SLX4IP: variants seen among roughly 807,000 people sequenced by gnomAD.
SLX4IP encodes the protein protein SLX4IP.
SLX4IP carries 34 observed loss-of-function variants against 32.9 expected under a neutral mutation model. That is an observed-to-expected ratio of 1.03 (90% confidence interval 0.79 to 1.38). SLX4IP has a LOEUF of 1.38. Among genes scored for constraint, SLX4IP ranks in the 40% most tolerant of loss-of-function variants. The probability of loss-of-function intolerance (pLI) is 0.00; values close to 1 mark genes in which losing one functional copy is unlikely to be tolerated. For synonymous variants in SLX4IP, 172 were observed against 171.7 expected, an observed-to-expected ratio of 1.00 and a Z score of -0.01; for missense variants, 444 against 479.0, an observed-to-expected ratio of 0.93 and a Z score of 0.68.
chr20:10,550,745 G>A lies in SLX4IP; in HGVS notation c.28-5486G>A, dbSNP rs554120081. Among the ~76,000 whole-genome samples, 5 of 152,300 alleles carry A rather than the reference G, an allele frequency of 3.3e-5. No individual in the cohort carries two copies. In the East Asian group the frequency reaches 9.7e-4, roughly 29 times the overall value. ...ATTGAGACTCTTTTCCGTCTCCAAA[G>A]CACGCGAGCTCTTTCTCTGCATGGG... On this transcript the variant is annotated intron_variant, in intron 2 of 7. Coordinates refer to ENST00000334534, the MANE Select transcript of SLX4IP (RefSeq NM_001009608.3).
At chr20:10,535,048 G>T (rs930125918) in intron 2 of SLX4IP, among the ~76,000 whole-genome samples, 27 of 152,114 alleles carry the variant, frequency 1.8e-4, no homozygotes, top group African/African-American at 6.0e-4. Flanking sequence ...TGAGGTTTGG[G>T]GTGTGGAGGC....
At chr20:10,489,745 A>C (rs1324453633) in intron 2 of SLX4IP, among the ~76,000 whole-genome samples, 1 of 152,242 alleles carries the variant, frequency 6.6e-6, no homozygotes, top group African/African-American at 2.4e-5. Flanking sequence ...AATGGCTTCT[A>C]TTTCCTTTGT....
chr20:10,569,093 C>G (rs575075866), intron 4 of SLX4IP, among the ~76,000 whole-genome samples: 3 of 151,684 alleles, frequency 2.0e-5, no homozygotes, highest in South Asian at 2.1e-4. Context: ...GCTCTCCTTT[C>G]GAGGAGAAAA....
chr20:10,564,178 A>C (rs1389889711), intron 4 of SLX4IP, among the ~76,000 whole-genome samples: 1 of 152,228 alleles, frequency 6.6e-6, no homozygotes, highest in Non-Finnish European at 1.5e-5. Context: ...CACTAAAAAC[A>C]GAAATTGATT....
intron 2 of SLX4IP, among the ~76,000 whole-genome samples, chr20:10,510,926 G>A (rs2065802293): frequency 6.6e-6 from 1 of 152,130 alleles, no homozygotes; most frequent in African/African-American, 2.4e-5. Flanking sequence ...TTATTAATGG[G>A]CCCAGGGTGA....
chr20:10,449,260 G>A (rs970822506), intron 1 of SLX4IP, among the ~76,000 whole-genome samples: 1 of 152,144 alleles, frequency 6.6e-6, no homozygotes, highest in African/African-American at 2.4e-5. Context: ...TTTATATTTT[G>A]TCTATGAAGG....
intron 2 of SLX4IP, among the ~76,000 whole-genome samples, chr20:10,529,628 TCA>T (rs944011790): frequency 6.8e-6 from 1 of 148,014 alleles, no homozygotes; most frequent in African/African-American, 2.5e-5. Flanking sequence ...TTCTGATTAC[TCA>T]CATTCTTCTT....
chr20:10,576,841 T>G (rs2066529164), intron 4 of SLX4IP, among the ~76,000 whole-genome samples: 1 of 152,190 alleles, frequency 6.6e-6, no homozygotes, highest in East Asian at 1.9e-4. Flanking sequence ...ATGATTTCCT[T>G]ACAAATATTT....
Position 10,600,316 on chromosome 20 carries a change from T to C in SLX4IP, c.317-1415T>C, listed in dbSNP as rs975992709. ...GGGCTTTCCTCATGAGGAAGGCTAA[T>C]TGGGAGTGAGACCAGAACAACAGGT... On this transcript the variant is annotated intron_variant, in intron 5 of 7. Transcript: ENST00000334534. Among the ~76,000 whole-genome samples the C allele has an allele frequency of 2.6e-5, 4 of 152,178 alleles. No individual in the cohort carries two copies. In the East Asian group the frequency reaches 5.8e-4, roughly 22 times the overall value.
intron 6 of SLX4IP, among the ~76,000 whole-genome samples, chr20:10,606,841 T>C (rs193011833): frequency 1.4e-4 from 21 of 152,290 alleles, no homozygotes; most frequent in Non-Finnish European, 1.9e-4. Context: ...GTCCATTTTT[T>C]TTACTGATGA....
At chr20:10,618,763 C>T (rs2067068646) in intron 6 of SLX4IP, among the ~76,000 whole-genome samples, 1 of 152,224 alleles carries the variant, frequency 6.6e-6, no homozygotes, top group Non-Finnish European at 1.5e-5. Context: ...GCACTTGCAA[C>T]CCTCTTAGCA....
chr20:10,539,220 G>A (rs2066077826), intron 2 of SLX4IP, among the ~76,000 whole-genome samples: 1 of 152,166 alleles, frequency 6.6e-6, no homozygotes, highest in Non-Finnish European at 1.5e-5. Flanking sequence ...AAGAAAAAAA[G>A]GCATTCAAGG....
intron 2 of SLX4IP, among the ~76,000 whole-genome samples, chr20:10,511,337 A>G (rs896304542): frequency 4.6e-5 from 7 of 152,154 alleles, no homozygotes; most frequent in African/African-American, 1.7e-4. Flanking sequence ...CTCTCCTGCA[A>G]TCCCTTCTGA....
At chr20:10,478,154 C>T (rs2122375976) in intron 2 of SLX4IP, among the ~76,000 whole-genome samples, 1 of 152,316 alleles carries the variant, frequency 6.6e-6, no homozygotes, top group South Asian at 2.1e-4. Flanking sequence ...CCGCCTCAGC[C>T]TCCCAAAGTG....
intron 2 of SLX4IP, among the ~76,000 whole-genome samples, chr20:10,527,280 C>T (rs1206209347): frequency 6.6e-6 from 1 of 152,154 alleles, no homozygotes; most frequent in Non-Finnish European, 1.5e-5. Context: ...TTAAATACAT[C>T]CTTGAATAGC....
At chr20:10,487,682 C>A (rs2065586723) in intron 2 of SLX4IP, among the ~76,000 whole-genome samples, 1 of 152,178 alleles carries the variant, frequency 6.6e-6, no homozygotes, top group African/African-American at 2.4e-5. Context: ...TTTCTTCTCG[C>A]ACACATGTTT....
chr20:10,468,121 T>G (rs1199454972), intron 2 of SLX4IP, among the ~76,000 whole-genome samples: 1 of 152,196 alleles, frequency 6.6e-6, no homozygotes, highest in Non-Finnish European at 1.5e-5. Context: ...TCTAAGCTGA[T>G]TTTTGCTTTG....
intron 2 of SLX4IP, among the ~76,000 whole-genome samples, chr20:10,483,229 C>T (rs1421106958): frequency 2.0e-5 from 3 of 152,148 alleles, no homozygotes; most frequent in Non-Finnish European, 2.9e-5. Context: ...AAACAATTCT[C>T]GTGCCTCAGC....
intron 2 of SLX4IP, among the ~76,000 whole-genome samples, chr20:10,478,014 TC>T (rs2065489970): frequency 6.6e-6 from 1 of 151,464 alleles, no homozygotes; most frequent in African/African-American, 2.4e-5. Context: ...TTCTCCTGCC[TC>T]AGCCTCCAGA....
Sources: gnomAD v4.1 joint callset for allele counts (sites outside exome capture counted in the v4.1 genomes callset) on GRCh38, gnomAD v4.1.1 for gene constraint, MANE v1.5 for transcripts, NCBI Gene and HGNC (gene_info 2026-07-23, HGNC 2026-07-21) for gene names.